NUP85: variants seen among roughly 807,000 people sequenced by gnomAD.
The protein encoded by NUP85 is nuclear pore complex protein Nup85.
A neutral mutation model predicts 92.8 loss-of-function variants in NUP85; 23 were observed. That is an observed-to-expected ratio of 0.25 (90% CI 0.18 to 0.35). The LOEUF is 0.35. NUP85 is among the 10% of genes least tolerant of loss of function. NUP85 has a pLI of 1.00. For missense variants in NUP85, 759 were observed against 822.8 expected (o/e 0.92, Z 0.95); for synonymous variants, 314 against 306.9 (o/e 1.02, Z -0.24).
chr17:75,207,163 C>G (rs139005579), intron 1 of NUP85, among the ~76,000 whole-genome samples: 86 of 151,766 alleles, frequency 5.7e-4, no homozygotes, highest in African/African-American at 2.1e-3. Flanking sequence ...GAGGGAAGCT[C>G]TCTGGGGAGA....
chr17:75,235,419 C>CAG (rs2076294009), intron 18 of NUP85, 159 bp from the exon 19 acceptor site: 3 of 618,156 alleles, frequency 4.9e-6, no homozygotes, highest in Non-Finnish European at 8.5e-6. Context: ...TCATCATTTC[C>CAG]AGTATGGCCC....
chr17:75,211,358 A>G (rs968764451), intron 3 of NUP85, among the ~76,000 whole-genome samples: 6 of 151,106 alleles, frequency 4.0e-5, no homozygotes, highest in Admixed American at 6.6e-5. Flanking sequence ...TGAGAAATCT[A>G]TTGTCACTTC....
intron 2 of NUP85, 129 bp from the exon 3 acceptor site, chr17:75,209,694 G>A: frequency 1.6e-6 from 1 of 642,506 alleles, no homozygotes; most frequent in Middle Eastern, 4.3e-4. Flanking sequence ...TGCCTGCCTT[G>A]GCCTCCCAAA....
rs1403649665 is a variant in NUP85 at position 75,226,038 on chromosome 17, C to T, written c.988-13C>T. On this transcript the variant is annotated splice_polypyrimidine_tract_variant and intron_variant, in intron 10 of 18. Transcript: ENST00000245544. ...CCGTCCTCAGGATTGAGTGTCTCATCACCTTTCCACAGTCCAGCCTGGACC... is the reference window on the plus strand; with the variant it reads ...CCGTCCTCAGGATTGAGTGTCTCATTACCTTTCCACAGTCCAGCCTGGACC... The T allele has an allele frequency of 6.2e-7, 1 of 1,613,706 alleles. No homozygotes were observed. Among genetic ancestry groups the T allele is most frequent in the Non-Finnish European group, 8.5e-7 (1 of 1,179,682 alleles).
At position 75,232,888 on chromosome 17, in the gene NUP85, C is replaced by T. The variant is rs777993444; in HGVS notation, c.1434C>T (p.Val478=). ...GTAAGATCTTAGCCATGAAAGCCGT[C>T]CGCAACAATCGCCTGGGTTCTGCCC... is the stretch of plus-strand genomic sequence containing the variant. ...SICKILAMKA[V]RNNRLGSALS... is the part of the protein sequence containing the mutation. The change falls in exon 15 of 19, where the codon GTC becomes GTT. Residue 478 remains valine, a synonymous_variant. Coordinates refer to ENST00000245544, the MANE Select transcript of NUP85 (RefSeq NM_024844.5). 8 of 1,614,112 alleles carry T rather than the reference C, an allele frequency of 5.0e-6. No individual in the cohort carries two copies. The African/African-American group carries it at 1.1e-4, about 22-fold the overall frequency.
At chr17:75,228,246 CAGAAG>C in intron 11 of NUP85, 5 of 985,304 alleles carry the variant, frequency 5.1e-6, no homozygotes, top group Non-Finnish European at 6.0e-6. Context: ...TTTCCAGTGG[CAGAAG>C]AGAAAGAGAA....
Position 75,232,155 on chromosome 17 carries a change from G to A in NUP85, c.1396+176G>A, listed in dbSNP as rs2076087498. 4.5e-6 allele frequency: 3 copies of A among 671,504 alleles called. No individual in the cohort carries two copies. In the African/African-American group the frequency reaches 5.4e-5, roughly 12 times the overall value. The allele number at this position is 671,504 out of a possible 1,614,324, so 41.6% of individuals were successfully genotyped here. On this transcript the variant is annotated intron_variant, in intron 14 of 18. Coordinates refer to ENST00000245544, the MANE Select transcript of NUP85 (RefSeq NM_024844.5). ...TGGGATAATTACTTGGGAGGGACAG[G>A]AAAGCTAGGGATCCACTGGAACCCA...
intron 2 of NUP85, 21 bp downstream of exon 2, chr17:75,208,641 A>G (rs112950030): frequency 7.3e-6 from 10 of 1,364,862 alleles, no homozygotes; most frequent in African/African-American, 7.2e-5. Flanking sequence ...TTTTCTTCCA[A>G]ATTATCCATC....
intron 3 of NUP85, 96 bp downstream of exon 3, chr17:75,210,081 T>A: frequency 7.9e-7 from 1 of 1,260,072 alleles, no homozygotes; most frequent in Non-Finnish European, 1.1e-6. Context: ...ATGGGTTGCG[T>A]AAAGAAATAA....
chr17:75,207,350 AT>A (rs1360782883), intron 1 of NUP85, among the ~76,000 whole-genome samples: 1 of 151,118 alleles, frequency 6.6e-6, no homozygotes, highest in East Asian at 2.0e-4. Context: ...TGCCCGGCTA[AT>A]TTTGTATTTT....
chr17:75,232,750 C>T (rs981511121), intron 14 of NUP85, 101 bp from the exon 15 acceptor site: 58 of 970,358 alleles, frequency 6.0e-5, no homozygotes, highest in Middle Eastern at 2.1e-4. Flanking sequence ...AGTGGCTCTG[C>T]GGTGGAGTGA....
chr17:75,216,989 G>A (rs979798830), intron 6 of NUP85, among the ~76,000 whole-genome samples: 1 of 152,070 alleles, frequency 6.6e-6, no homozygotes, highest in South Asian at 2.1e-4. Context: ...AGGCTCAAGC[G>A]ATCCTCCTGT....
rs114092578 is a variant in NUP85 at position 75,232,004 on chromosome 17, A to G, written c.1396+25A>G. 2.0e-3 allele frequency: 3,241 copies of G among 1,613,188 alleles called. 54 individuals are homozygous for G. The African/African-American group carries it at 0.036, about 18-fold the overall frequency. ...GGTGAGCTGGCCCTGCTCCCAGCCT[A>G]CTGTCTGTGGGACGCAGGAGTCAGG... On this transcript the variant is annotated intron_variant, in intron 14 of 18. Coordinates refer to ENST00000245544, the MANE Select transcript of NUP85 (RefSeq NM_024844.5).
At chr17:75,211,941 G>T in intron 3 of NUP85, 51 bp from the exon 4 acceptor site, 3 of 1,373,066 alleles carry the variant, frequency 2.2e-6, no homozygotes, top group Non-Finnish European at 3.1e-6. Flanking sequence ...TTCCTTTGTG[G>T]CACTACAAGA....
At chr17:75,210,312 A>G (rs2075217961) in intron 3 of NUP85, among the ~76,000 whole-genome samples, 1 of 152,224 alleles carries the variant, frequency 6.6e-6, no homozygotes, top group Non-Finnish European at 1.5e-5. Flanking sequence ...AAATTAATAT[A>G]AACCTAACAG....
At position 75,231,575 on chromosome 17, in the gene NUP85, T is replaced by C; in HGVS notation, c.1181T>C (p.Phe394Ser). Residue 394 changes from phenylalanine (F) to serine (S), a missense_variant and splice_region_variant, in exon 13 of 19, where the codon TTC (phenylalanine) becomes TCC (serine). Coordinates refer to ENST00000245544, the MANE Select transcript of NUP85 (RefSeq NM_024844.5). This position sits in a 1 kb window ranked among gnomAD's most constrained non-coding sequence, Gnocchi z 4.6. ...TCTTTTGTTATGTTTTATTCCAGTTTCGGTTCCAACATGAGAGAGTTCCTC... is the reference window on the plus strand; with the variant it reads ...TCTTTTGTTATGTTTTATTCCAGTTCCGGTTCCAACATGAGAGAGTTCCTC... ...CKLLQSHNLY[F>S]GSNMREFLLL... 3 of 1,614,220 alleles carry C rather than the reference T, an allele frequency of 1.9e-6. No homozygotes were observed. Among genetic ancestry groups the C allele is most frequent in the Non-Finnish European group, 2.5e-6 (3 of 1,180,030 alleles).
At chr17:75,228,327 G>C in intron 11 of NUP85, 1 of 985,382 alleles carries the variant, frequency 1.0e-6, no homozygotes, top group Non-Finnish European at 1.2e-6. Context: ...GATTAGGCTT[G>C]CAGTCCCCCA....
At chr17:75,226,279 A>G in intron 11 of NUP85, 122 bp downstream of exon 11, 1 of 691,850 alleles carries the variant, frequency 1.4e-6, no homozygotes, top group East Asian at 2.6e-5. Flanking sequence ...ATCTTAGTCC[A>G]TCTCACGCTG....
rs1332867212 is a variant in NUP85 at position 75,231,707 on chromosome 17, A to G, written c.1244+69A>G. Reference sequence around the variant, plus strand: ...GCATGCGGGTGCCATTGGAGCTTGGACTGTTCTCTCCCAGTTGGCTCCTTG... The same window carrying G: ...GCATGCGGGTGCCATTGGAGCTTGGGCTGTTCTCTCCCAGTTGGCTCCTTG... On this transcript the variant is annotated intron_variant, in intron 13 of 18. Transcript: ENST00000245544. The surrounding 1 kb of genome is among the most constrained non-coding windows in gnomAD (Gnocchi z 4.6). The G allele has an allele frequency of 1.9e-6, 3 of 1,605,432 alleles. No individual in the cohort carries two copies.
Sources: gnomAD v4.1 joint callset for allele counts (sites outside exome capture counted in the v4.1 genomes callset) on GRCh38, gnomAD v4.1.1 for gene constraint, Gnocchi (gnomAD v3.1) non-coding constraint, MANE v1.5 for transcripts, NCBI Gene and HGNC (gene_info 2026-07-23, HGNC 2026-07-21) for gene names.